Variants in CDC14B observed in about 807,000 individuals in gnomAD.
CDC14B encodes the protein cell division cycle 14B, also known as dual specificity protein phosphatase CDC14B.
CDC14B carries 22 observed loss-of-function variants against 64.2 expected under a neutral mutation model. The ratio of observed to expected loss-of-function variants is 0.34; its 90% confidence interval spans 0.24 to 0.49. The LOEUF (loss-of-function observed/expected upper bound fraction) is 0.49. CDC14B is among the 20% of genes least tolerant of loss of function. The pLI, the probability that CDC14B is intolerant of heterozygous loss-of-function variation, is 0.99. For missense variants in CDC14B, 498 were observed against 629.9 expected (o/e 0.79, Z 2.24); for synonymous variants, 191 against 215.8 (o/e 0.89, Z 1.01).
intron 4 of CDC14B, among the ~76,000 whole-genome samples, chr9:96,561,094 G>A (rs886454040): frequency 3.9e-5 from 6 of 152,052 alleles, no homozygotes; most frequent in Middle Eastern, 3.4e-3. Flanking sequence ...GTGCCACCAC[G>A]CCCAACTAAT....
intron 5 of CDC14B, 122 bp downstream of exon 5, chr9:96,551,674 G>A (rs1841866800): frequency 3.0e-6 from 4 of 1,338,694 alleles, no homozygotes; most frequent in Non-Finnish European, 4.1e-6. Context: ...CAGATCTGTG[G>A]TGTTATTTGC....
chr9:96,550,006 G>A (rs1468406331), intron 5 of CDC14B, among the ~76,000 whole-genome samples: 1 of 152,198 alleles, frequency 6.6e-6, no homozygotes. Flanking sequence ...ACCTTGTGCT[G>A]TAAATCTAAG....
chr9:96,564,220 C>G (rs976441557), intron 3 of CDC14B, among the ~76,000 whole-genome samples: 2 of 152,128 alleles, frequency 1.3e-5, no homozygotes, highest in African/African-American at 4.8e-5. Context: ...GGTCTAAGTT[C>G]AAACCAATAC....
chr9:96,601,859 A>T (rs1846500061), intron 1 of CDC14B, among the ~76,000 whole-genome samples: 1 of 150,052 alleles, frequency 6.7e-6, no homozygotes, highest in Admixed American at 6.7e-5. Context: ...GGAGATCGAG[A>T]CCATCCTGGC....
intron 1 of CDC14B, among the ~76,000 whole-genome samples, chr9:96,585,289 C>T (rs888365626): frequency 1.1e-4 from 17 of 151,736 alleles, no homozygotes; most frequent in African/African-American, 4.1e-4. Flanking sequence ...GTTTGCTGCA[C>T]CCATCAACCC....
rs536025085 is a variant in CDC14B, at chr9:96,607,522, G to A, written c.160+11697C>T. ...TGCAAGCTCCGCTTCCAGGGTTCAC[G>A]CCATTCTCCTGCCTCAGCCGCCTGA... On this transcript the variant is annotated intron_variant, in intron 1 of 13. Transcript: ENST00000375241. Among the ~76,000 whole-genome samples, 108 of 146,604 alleles carry A rather than the reference G, an allele frequency of 7.4e-4. No individual in the cohort carries two copies. In the East Asian group the frequency reaches 9.3e-3, roughly 13 times the overall value.
intron 1 of CDC14B, among the ~76,000 whole-genome samples, chr9:96,573,825 G>A (rs1844625691): frequency 6.6e-6 from 1 of 152,064 alleles, no homozygotes; most frequent in South Asian, 2.1e-4. Flanking sequence ...GAAGATCACA[G>A]GACCAAGAAG....
rs776953626 is a variant in CDC14B at position 96,503,063 on chromosome 9, C to T, written c.*690G>A. On this transcript the variant is annotated 3_prime_UTR_variant, in exon 14 of 14. Transcript: ENST00000375241. ...CTTCCAACTCTGAAGTCAGTTTCTC[C>T]TCCTGAGTCTTCTAAAGCTACCATT... 2.8e-5 allele frequency: 11 copies of T among 392,776 alleles called. No individual in the cohort carries two copies. The highest frequency in any genetic ancestry group is 4.5e-5 in the Non-Finnish European group (10 of 222,780). The allele number at this position is 392,776 out of a possible 1,614,324, so 24.3% of individuals were successfully genotyped here.
chr9:96,534,471 T>A lies in CDC14B; in HGVS notation c.699A>T (p.Arg233Ser). Residue 233 changes from arginine to serine, a missense_variant, in exon 8 of 14, where the codon AGA becomes AGT. Transcript: ENST00000375241. ...TTCACATACCACTTTCAAGTCTGGC[T>A]CTTGAATGAGGTCCACAGAAGGCAA... Reference protein sequence around the residue: ...RFIAFCGPHSRARLESGYHQH... With the variant: ...RFIAFCGPHSSARLESGYHQH... The A allele has an allele frequency of 1.2e-6, 2 of 1,607,314 alleles. No homozygotes were observed. The highest frequency in any genetic ancestry group is 8.5e-7 in the Non-Finnish European group (1 of 1,173,882).
At chr9:96,559,277 A>G (rs889300433) in intron 4 of CDC14B, among the ~76,000 whole-genome samples, 1 of 152,268 alleles carries the variant, frequency 6.6e-6, no homozygotes, top group Non-Finnish European at 1.5e-5. Context: ...CCTGAATTCA[A>G]AAAGGACTGA....
chr9:96,507,699 C>A (rs952852280), intron 13 of CDC14B, among the ~76,000 whole-genome samples: 5 of 152,092 alleles, frequency 3.3e-5, no homozygotes, highest in African/African-American at 1.2e-4. Context: ...CAGGCGTGAG[C>A]CACCGCGCCC....
chr9:96,519,621 C>A (rs951787272), intron 12 of CDC14B, among the ~76,000 whole-genome samples: 3 of 151,410 alleles, frequency 2.0e-5, no homozygotes, highest in Non-Finnish European at 4.4e-5. Flanking sequence ...ATCCCAGATA[C>A]TCCGGAGGCT....
chr9:96,601,261 G>A (rs771137191), intron 1 of CDC14B, among the ~76,000 whole-genome samples: 1 of 152,140 alleles, frequency 6.6e-6, no homozygotes, highest in Non-Finnish European at 1.5e-5. Flanking sequence ...CACTTTGTGA[G>A]GCCAAGGCAG....
At chr9:96,593,214 T>C (rs938472998) in intron 1 of CDC14B, among the ~76,000 whole-genome samples, 3 of 151,808 alleles carry the variant, frequency 2.0e-5, no homozygotes, top group Non-Finnish European at 4.4e-5. Flanking sequence ...TATAGCCAGG[T>C]GTGGTGGCTC....
intron 1 of CDC14B, among the ~76,000 whole-genome samples, chr9:96,566,040 A>G (rs1261696056): frequency 6.7e-6 from 1 of 148,186 alleles, no homozygotes; most frequent in Non-Finnish European, 1.5e-5. Context: ...TATTTTTACA[A>G]TTAGACAAAT....
chr9:96,532,085 T>C (rs902303981), intron 9 of CDC14B, among the ~76,000 whole-genome samples: 8 of 152,210 alleles, frequency 5.3e-5, no homozygotes, highest in Non-Finnish European at 1.0e-4. Context: ...TTCTATTTGT[T>C]TTTTGCAAGT....
chr9:96,503,808 G>A lies in CDC14B; in HGVS notation c.1461-19C>T, dbSNP rs777609103. On this transcript the variant is annotated intron_variant, in intron 13 of 13. Transcript: ENST00000375241. Reference sequence around the variant, plus strand: ...GGAGAGACTACAGGGGGAAAAAAAAGGATTTTTACCAGAAAGTTTACACAG... The same window carrying A: ...GGAGAGACTACAGGGGGAAAAAAAAAGATTTTTACCAGAAAGTTTACACAG... 6 of 1,608,112 alleles carry A rather than the reference G, an allele frequency of 3.7e-6. No individual in the cohort carries two copies. Among genetic ancestry groups the A allele is most frequent in the Non-Finnish European group, 4.2e-6 (5 of 1,176,728 alleles).
intron 1 of CDC14B, among the ~76,000 whole-genome samples, chr9:96,591,431 T>G (rs751772626): frequency 1.3e-5 from 2 of 152,200 alleles, no homozygotes; most frequent in Non-Finnish European, 2.9e-5. Flanking sequence ...TTTACTCTAT[T>G]CCATTGGTCT....
chr9:96,557,068 T>G (rs1210024363), intron 4 of CDC14B, among the ~76,000 whole-genome samples: 1 of 152,212 alleles, frequency 6.6e-6, no homozygotes, highest in Non-Finnish European at 1.5e-5. Context: ...CCATTTCTCT[T>G]CACTTTTTCC....
Sources: gnomAD v4.1 joint callset for allele counts (sites outside exome capture counted in the v4.1 genomes callset) on GRCh38, gnomAD v4.1.1 for gene constraint, MANE v1.5 for transcripts, NCBI Gene and HGNC (gene_info 2026-07-23, HGNC 2026-07-21) for gene names.